ARSK: variants seen among roughly 807,000 people sequenced by gnomAD.
ARSK encodes arylsulfatase family member K, also known as arylsulfatase K.
In ARSK, 37 loss-of-function variants were observed where a neutral mutation model predicts 53.2. That is an observed-to-expected ratio of 0.70 (90% CI 0.54 to 0.92). The LOEUF is 0.92. Among genes scored for constraint, ARSK ranks in the 40% least tolerant of loss-of-function variants. ARSK has a pLI of 0.00. For missense variants in ARSK, 613 were observed against 643.0 expected, an observed-to-expected ratio of 0.95 and a Z score of 0.51; for synonymous variants, 208 against 223.2, an observed-to-expected ratio of 0.93 and a Z score of 0.61.
chr5:95,571,470 G>C (rs1305546087), intron 3 of ARSK, among the ~76,000 whole-genome samples: 1 of 152,144 alleles, frequency 6.6e-6, no homozygotes, highest in Non-Finnish European at 1.5e-5. Context: ...TTGATATTCT[G>C]TGTAACACAG....
rs1226408312 is a variant in ARSK, at chr5:95,555,543, A to G, written c.126+139A>G. On this transcript the variant is annotated intron_variant, in intron 1 of 7. Transcript: ENST00000380009. The surrounding 1 kb of genome is among the most constrained non-coding windows in gnomAD (Gnocchi z 4.0). ...TACCCCGATGCAAAGAAAGAAATACATTTTATGTGAGGCCCCGTGTACTCA... is the reference window on the plus strand; with the variant it reads ...TACCCCGATGCAAAGAAAGAAATACGTTTTATGTGAGGCCCCGTGTACTCA... The G allele has an allele frequency of 2.1e-6, 2 of 941,404 alleles. No homozygotes were observed. Among genetic ancestry groups the G allele is most frequent in the Admixed American group, 3.1e-5 (1 of 31,784 alleles). 58.3% of individuals were successfully genotyped at this position (941,404 alleles called of 1,614,324 possible). A position where few individuals can be genotyped will look rare whatever the true frequency, so the allele number is the denominator to read the frequency against.
intron 1 of ARSK, chr5:95,557,184 T>G (rs1303710877): frequency 1.3e-5 from 2 of 152,160 alleles, no homozygotes; most frequent in African/African-American, 4.8e-5. Context: ...CAGCTTGCTT[T>G]AACAGAGTTC....
chr5:95,570,121 T>C (rs1426414687), intron 3 of ARSK, among the ~76,000 whole-genome samples: 1 of 152,224 alleles, frequency 6.6e-6, no homozygotes, highest in African/African-American at 2.4e-5. Context: ...CTTAGATGTA[T>C]GTCTGATTAC....
Position 95,604,528 on chromosome 5 carries a change from T to G in ARSK, c.*1002T>G, listed in dbSNP as rs544071115. 6.6e-6 allele frequency: 1 copy of G among 152,290 alleles called. No individual in the cohort carries two copies. The highest frequency in any genetic ancestry group is 6.5e-5 in the Admixed American group (1 of 15,304). The allele number at this position is 152,290 out of a possible 1,614,324, so 9.4% of individuals were successfully genotyped here. ...ATACTGCACACATTGTTCTGCATGTTGCTTCTTTTTCCTTTTTTTTTTCAC... is the reference window on the plus strand; with the variant it reads ...ATACTGCACACATTGTTCTGCATGTGGCTTCTTTTTCCTTTTTTTTTTCAC... On this transcript the variant is annotated 3_prime_UTR_variant, in exon 8 of 8. Coordinates refer to ENST00000380009, the MANE Select transcript of ARSK (RefSeq NM_198150.3).
intron 1 of ARSK, 36 bp from the exon 2 acceptor site, chr5:95,565,962 A>G (rs756153393): frequency 2.7e-5 from 42 of 1,553,490 alleles, no homozygotes; most frequent in Non-Finnish European, 3.4e-5. Context: ...TTCTTTGGTA[A>G]TGTAATCAAT....
At chr5:95,576,639 C>T (rs1748928972) in intron 3 of ARSK, among the ~76,000 whole-genome samples, 1 of 151,520 alleles carries the variant, frequency 6.6e-6, no homozygotes, top group Non-Finnish European at 1.5e-5. Context: ...AACCCCAGCA[C>T]TTTGGGAGGC....
At chr5:95,594,964 C>G (rs76495538) in intron 6 of ARSK, among the ~76,000 whole-genome samples, 1 of 152,074 alleles carries the variant, frequency 6.6e-6, no homozygotes, top group Middle Eastern at 3.2e-3. Context: ...AATGTGCATA[C>G]GTTTTGACCT....
chr5:95,591,056 A>G (rs1251701837), intron 5 of ARSK, among the ~76,000 whole-genome samples: 1 of 152,212 alleles, frequency 6.6e-6, no homozygotes, highest in Non-Finnish European at 1.5e-5. Flanking sequence ...TAAAGTGCTC[A>G]TATCCAACTG....
At chr5:95,565,289 C>G (rs983339899) in intron 1 of ARSK, among the ~76,000 whole-genome samples, 4 of 152,100 alleles carry the variant, frequency 2.6e-5, no homozygotes, top group African/African-American at 9.7e-5. Flanking sequence ...CCCTGTGTTG[C>G]CCAGGCTGGT....
chr5:95,603,623 G>T lies in ARSK; in HGVS notation c.*97G>T. On this transcript the variant is annotated 3_prime_UTR_variant, in exon 8 of 8. Transcript: ENST00000380009. ...ATGAAACAGTTTTAATAATTACCAA[G>T]TTTTGGCCGGGCACAGTGGCTCACA... 1 of 1,202,100 alleles carries T rather than the reference G, an allele frequency of 8.3e-7. No homozygotes were observed. The highest frequency in any genetic ancestry group is 2.0e-5 in the South Asian group (1 of 49,688). 74.5% of individuals were successfully genotyped at this position (1,202,100 alleles called of 1,614,324 possible).
intron 6 of ARSK, chr5:95,600,574 C>T: frequency 3.5e-6 from 2 of 574,496 alleles, no homozygotes; most frequent in Non-Finnish European, 3.3e-6. Flanking sequence ...CTTATTTAAA[C>T]CTAAAATGAA....
intron 7 of ARSK, among the ~76,000 whole-genome samples, chr5:95,602,259 G>C (rs1466605676): frequency 6.6e-6 from 1 of 152,068 alleles, no homozygotes; most frequent in Non-Finnish European, 1.5e-5. Flanking sequence ...TCTTTAGAGG[G>C]GTTGCTGCCC....
At position 95,555,894 on chromosome 5, in the gene ARSK, G is replaced by T. The variant is rs1308768073; in HGVS notation, c.126+490G>T. The stretch of plus-strand genomic sequence containing the variant: ...TGTTAGTGCTGATTCAAATGGAATC[G>T]TTGGTATAACTTGATTCACTCCCCC... On this transcript the variant is annotated intron_variant, in intron 1 of 7. Coordinates refer to ENST00000380009, the MANE Select transcript of ARSK (RefSeq NM_198150.3). The surrounding 1 kb of genome is among the most constrained non-coding windows in gnomAD (Gnocchi z 4.0). Among the ~76,000 whole-genome samples, 1 of 152,182 alleles carries T rather than the reference G, an allele frequency of 6.6e-6. No homozygotes were observed. Among genetic ancestry groups the T allele is most frequent in the African/African-American group, 2.4e-5 (1 of 41,440 alleles).
At chr5:95,558,770 A>G (rs531715347) in intron 1 of ARSK, among the ~76,000 whole-genome samples, 1 of 152,346 alleles carries the variant, frequency 6.6e-6, no homozygotes, top group Admixed American at 6.5e-5. Flanking sequence ...GATAAATTCT[A>G]CCAAATACTT....
Position 95,567,991 on chromosome 5 carries a change from G to A in ARSK, c.358G>A (p.Gly120Ser). The change falls in exon 3 of 8, where the codon GGC becomes AGC. Residue 120 changes from glycine (G) to serine (S), a missense_variant. Gly to Ser is a moderately conservative substitution (Grantham distance 56). Transcript: ENST00000380009. ...ATGGATGGATGTCATGGAGAGGCAT[G>A]GCTACCGAACACAGAAATTTGGGAA... ...TTWMDVMERH[G>S]YRTQKFGKLD... The A allele has an allele frequency of 6.2e-7, 1 of 1,613,782 alleles. No homozygotes were observed. Among genetic ancestry groups the A allele is most frequent in the Non-Finnish European group, 8.5e-7 (1 of 1,179,858 alleles).
intron 1 of ARSK, among the ~76,000 whole-genome samples, chr5:95,562,084 G>A (rs1404519730): frequency 6.6e-6 from 1 of 151,982 alleles, no homozygotes; most frequent in Non-Finnish European, 1.5e-5. Context: ...GCATGGTGGT[G>A]GGCACCTGCC....
At chr5:95,599,045 A>AC (rs1267170755) in intron 6 of ARSK, among the ~76,000 whole-genome samples, 3 of 152,018 alleles carry the variant, frequency 2.0e-5, no homozygotes, top group African/African-American at 7.2e-5. Flanking sequence ...TGCACTTACC[A>AC]CCATCTGACA....
chr5:95,592,790 G>A (rs1172951546), intron 6 of ARSK, among the ~76,000 whole-genome samples: 2 of 151,994 alleles, frequency 1.3e-5, no homozygotes, highest in African/African-American at 2.4e-5. Flanking sequence ...CTTGTGATCC[G>A]CTTGCCTCGG....
At chr5:95,566,637 A>C (rs901883099) in intron 2 of ARSK, among the ~76,000 whole-genome samples, 5 of 152,160 alleles carry the variant, frequency 3.3e-5, no homozygotes, top group African/African-American at 1.2e-4. Context: ...GTTCACTTTT[A>C]TTATAATAAT....
Sources: gnomAD v4.1 joint callset for allele counts (sites outside exome capture counted in the v4.1 genomes callset) on GRCh38, gnomAD v4.1.1 for gene constraint, Gnocchi (gnomAD v3.1) non-coding constraint, MANE v1.5 for transcripts, NCBI Gene and HGNC (gene_info 2026-07-23, HGNC 2026-07-21) for gene names.